SLC11A2: variants seen among roughly 807,000 people sequenced by gnomAD.
The protein encoded by SLC11A2 is solute carrier family 11 member 2, also known as natural resistance-associated macrophage protein 2.
A neutral mutation model predicts 68.0 loss-of-function variants in SLC11A2; 38 were observed. The observed-to-expected ratio is 0.56, with a 90% CI of 0.43 to 0.73. The LOEUF is 0.73. SLC11A2 is among the 30% of genes least tolerant of loss of function. SLC11A2 has a pLI of 0.00. For synonymous variants in SLC11A2, 242 were observed against 250.6 expected, an observed-to-expected ratio of 0.97 and a Z score of 0.32; for missense variants, 517 against 690.5, an observed-to-expected ratio of 0.75 and a Z score of 2.82.
chr12:50,953,921 T>C, the SLC11A2 span: 33 of 811,294 alleles, frequency 4.1e-5, no homozygotes, highest in Middle Eastern at 2.3e-4. Context: ...ATCAAGAGTA[T>C]GATGGGAGAG....
intron 1 of SLC11A2, among the ~76,000 whole-genome samples, chr12:51,012,333 T>A (rs1429537925): frequency 6.9e-6 from 1 of 144,292 alleles, no homozygotes; most frequent in Non-Finnish European, 1.5e-5. Flanking sequence ...CCATTGAGCC[T>A]TACCAATAAG....
At chr12:51,022,711 C>A (rs1301804001) in intron 1 of SLC11A2, among the ~76,000 whole-genome samples, 1 of 152,162 alleles carries the variant, frequency 6.6e-6, no homozygotes, top group African/African-American at 2.4e-5. Flanking sequence ...GATTCTCCAG[C>A]CTTTAACAAG....
chr12:50,979,638 T>G (rs1939909670), downstream of SLC11A2: 1 of 350,532 alleles, frequency 2.9e-6, no homozygotes, highest in Non-Finnish European at 5.6e-6. Context: ...TCAGAAGGAC[T>G]CTATAGCCTG....
At chr12:50,972,752 T>G in the SLC11A2 span, among the ~76,000 whole-genome samples, 23,155 of 152,182 alleles carry the variant, frequency 0.15, 1,950 homozygotes, top group South Asian at 0.27. Flanking sequence ...CCAAGGGAAG[T>G]GGGGACAAAC....
chr12:50,973,179 G>T, the SLC11A2 span, among the ~76,000 whole-genome samples: 1 of 152,092 alleles, frequency 6.6e-6, no homozygotes, highest in Non-Finnish European at 1.5e-5. Context: ...ATCTGAGAAC[G>T]GACAGACTGC....
the SLC11A2 span, among the ~76,000 whole-genome samples, chr12:50,965,464 T>G: frequency 6.6e-5 from 10 of 152,094 alleles, no homozygotes; most frequent in Non-Finnish European, 1.5e-4. Context: ...TTTCCTACTA[T>G]AATAGCCCTT....
the SLC11A2 span, among the ~76,000 whole-genome samples, chr12:50,957,298 C>A: frequency 6.6e-6 from 1 of 151,846 alleles, no homozygotes; most frequent in Admixed American, 6.6e-5. Flanking sequence ...ACAACCTCCA[C>A]CTCCTGGGCT....
rs1266087847 is a variant in SLC11A2 at position 51,008,244 on chromosome 12, A to C, written c.183+232T>G. 9.1e-4 allele frequency: 392 copies of C among 429,634 alleles called. 3 individuals are homozygous for C. Among genetic ancestry groups the C allele is most frequent in the Non-Finnish European group, 1.1e-3 (269 of 238,862 alleles). 26.6% of individuals were successfully genotyped at this position (429,634 alleles called of 1,614,324 possible). A position where few individuals can be genotyped will look rare whatever the true frequency, so the allele number is the denominator to read the frequency against. On this transcript the variant is annotated intron_variant, in intron 3 of 15. Transcript: ENST00000262052. ...TAGACAGATAGATAGATAGATAGATAGATAGATAGATAGATAGACGGACAG... is the reference window on the plus strand; with the variant it reads ...TAGACAGATAGATAGATAGATAGATCGATAGATAGATAGATAGACGGACAG...
intron 1 of SLC11A2, chr12:51,024,741 C>A (rs1592466785): frequency 1.3e-5 from 2 of 152,318 alleles, no homozygotes; most frequent in East Asian, 1.9e-4. Context: ...AAGCTGCCTA[C>A]TAGCTTTGTA....
chr12:50,958,964 C>T, the SLC11A2 span, among the ~76,000 whole-genome samples: 6 of 151,090 alleles, frequency 4.0e-5, no homozygotes, highest in Non-Finnish European at 7.4e-5. Context: ...TTGCAGTGAG[C>T]TGAGATTGTA....
chr12:50,985,426 T>C (rs746758321), downstream of SLC11A2, among the ~76,000 whole-genome samples: 1 of 152,210 alleles, frequency 6.6e-6, no homozygotes, highest in African/African-American at 2.4e-5. Flanking sequence ...GAAGTTCTGG[T>C]GACACTCCTG....
chr12:50,979,006 T>A (rs753133858), downstream of SLC11A2, among the ~76,000 whole-genome samples: 5 of 152,174 alleles, frequency 3.3e-5, no homozygotes, highest in African/African-American at 7.2e-5. Context: ...TGACATTCTG[T>A]GTATACATTG....
At chr12:51,002,707 C>A (rs1942368925) in intron 5 of SLC11A2, among the ~76,000 whole-genome samples, 1 of 148,330 alleles carries the variant, frequency 6.7e-6, no homozygotes, top group Non-Finnish European at 1.5e-5. Flanking sequence ...TTTGGGAGGC[C>A]AAGGCGGGCA....
At chr12:50,953,268 C>T in the SLC11A2 span, among the ~76,000 whole-genome samples, 1 of 152,220 alleles carries the variant, frequency 6.6e-6, no homozygotes, top group Non-Finnish European at 1.5e-5. Flanking sequence ...AGGTATTGTG[C>T]TTCTTACGCT....
At chr12:50,960,818 G>A in the SLC11A2 span, 5 of 584,916 alleles carry the variant, frequency 8.5e-6, no homozygotes, top group Non-Finnish European at 1.4e-5. Context: ...GAGTAGCTGG[G>A]ACTACAGACG....
rs969141095 is a variant in SLC11A2, at chr12:50,986,032, C to T, written c.*2293G>A. The T allele has an allele frequency of 1.7e-6, 2 of 1,169,448 alleles. No individual in the cohort carries two copies. Among genetic ancestry groups the T allele is most frequent in the African/African-American group, 3.3e-5 (2 of 61,308 alleles). 72.4% of individuals were successfully genotyped at this position (1,169,448 alleles called of 1,614,324 possible). On this transcript the variant is annotated 3_prime_UTR_variant, in exon 16 of 16. Coordinates refer to ENST00000262052, the MANE Select transcript of SLC11A2 (RefSeq NM_000617.3). Reference sequence around the variant, plus strand: ...TTTTTTTAATTAGAAACCAAGTTTACATACGGTTAAATGGTTACTAAAAGC... The same window carrying T: ...TTTTTTTAATTAGAAACCAAGTTTATATACGGTTAAATGGTTACTAAAAGC...
chr12:50,992,045 ATT>A (rs1941202067), intron 13 of SLC11A2, 143 bp downstream of exon 13: 8 of 823,794 alleles, frequency 9.7e-6, no homozygotes. Context: ...GATGCCAAGG[ATT>A]TCATATACAT....
At chr12:50,971,869 A>C in the SLC11A2 span, among the ~76,000 whole-genome samples, 1 of 152,238 alleles carries the variant, frequency 6.6e-6, no homozygotes, top group Non-Finnish European at 1.5e-5. Flanking sequence ...ATATGTCTGC[A>C]TTCTGGATAT....
intron 8 of SLC11A2, among the ~76,000 whole-genome samples, chr12:50,997,233 G>A (rs1393449325): frequency 1.3e-5 from 2 of 151,878 alleles, no homozygotes; most frequent in African/African-American, 4.8e-5. Flanking sequence ...CACCACACCT[G>A]GCCAAAATCT....
Sources: gnomAD v4.1 joint callset for allele counts (sites outside exome capture counted in the v4.1 genomes callset) on GRCh38, gnomAD v4.1.1 for gene constraint, MANE v1.5 for transcripts, NCBI Gene and HGNC (gene_info 2026-07-23, HGNC 2026-07-21) for gene names.